RNF41: variants seen among roughly 807,000 people sequenced by gnomAD.
RNF41 encodes ring finger protein 41.
A neutral mutation model predicts 33.0 loss-of-function variants in RNF41; 4 were observed. The observed-to-expected ratio is 0.12, with a 90% CI of 0.06 to 0.28. RNF41 has a LOEUF of 0.28. RNF41 is among the 10% of genes least tolerant of loss of function. The pLI is 1.00. For missense variants in RNF41, 228 were observed against 432.6 expected, an observed-to-expected ratio of 0.53 and a Z score of 4.19; for synonymous variants, 164 against 153.2, an observed-to-expected ratio of 1.07 and a Z score of -0.52.
intron 1 of RNF41, among the ~76,000 whole-genome samples, chr12:56,219,191 A>ATT (rs1234168106): frequency 7.0e-6 from 1 of 143,536 alleles, no homozygotes; most frequent in African/African-American, 2.6e-5. Context: ...TTATTTATTT[A>ATT]TTTATTTATT....
intron 1 of RNF41, among the ~76,000 whole-genome samples, chr12:56,218,807 G>A (rs935666313): frequency 9.3e-5 from 14 of 150,878 alleles, no homozygotes; most frequent in Admixed American, 5.9e-4. Flanking sequence ...GGGTTCAAGC[G>A]ATTCTCCTGC....
At chr12:56,214,702 A>G (rs1224954061) in intron 2 of RNF41, among the ~76,000 whole-genome samples, 1 of 151,528 alleles carries the variant, frequency 6.6e-6, no homozygotes, top group Non-Finnish European at 1.5e-5. Flanking sequence ...GGTGATGCAC[A>G]TCTGTAATCC....
intron 6 of RNF41, chr12:56,207,329 C>T: frequency 7.6e-7 from 1 of 1,312,762 alleles, no homozygotes; most frequent in Non-Finnish European, 1.0e-6. Context: ...AGGACGATAT[C>T]TTCTATTTCT....
intron 1 of RNF41, among the ~76,000 whole-genome samples, chr12:56,218,745 C>T (rs1869106121): frequency 6.6e-6 from 1 of 150,600 alleles, no homozygotes; most frequent in Non-Finnish European, 1.5e-5. Flanking sequence ...TGCTCTGTCG[C>T]CAGGCTGGAG....
chr12:56,212,914 C>T (rs1179880879), intron 3 of RNF41: 2 of 992,740 alleles, frequency 2.0e-6, no homozygotes, highest in Non-Finnish European at 2.8e-6. Flanking sequence ...TTGGTATTTA[C>T]AGAATGAGGG....
At position 56,204,387 on chromosome 12, in the gene RNF41, A is replaced by C. The variant is rs889192121; in HGVS notation, c.*2060T>G. The C allele has an allele frequency of 3.3e-5, 5 of 152,226 alleles. No individual in the cohort carries two copies. Among genetic ancestry groups the C allele is most frequent in the Admixed American group, 2.0e-4 (3 of 15,266 alleles). The allele number at this position is 152,226 out of a possible 1,614,324, so 9.4% of individuals were successfully genotyped here. ...ACTCCCAGACATCCTCCTGAAAGAG[A>C]AGTTAGCACTAAGATAAGGGTAGGT... On this transcript the variant is annotated 3_prime_UTR_variant, in exon 7 of 7. Coordinates refer to ENST00000345093, the MANE Select transcript of RNF41 (RefSeq NM_005785.4).
chr12:56,212,697 C>T (rs1289500519), intron 3 of RNF41, among the ~76,000 whole-genome samples: 1 of 151,946 alleles, frequency 6.6e-6, no homozygotes, highest in Non-Finnish European at 1.5e-5. Context: ...GAGTTGGTTG[C>T]CATTGGAATG....
chr12:56,218,174 G>T (rs1869048929), intron 1 of RNF41, among the ~76,000 whole-genome samples: 8 of 151,500 alleles, frequency 5.3e-5, no homozygotes, highest in Admixed American at 5.3e-4. Flanking sequence ...GGCTGGTCTC[G>T]AACTCCTGAC....
At position 56,210,472 on chromosome 12, in the gene RNF41, C is replaced by T. The variant is rs1211466154; in HGVS notation, c.187G>A (p.Ala63Thr). ...ATCCGAGGTACTGGGCGCAGATGGG[C>T]GACCGTCACAACACTACGGTCCACT... The part of the protein sequence containing the change: ...CPVDRSVVTV[A>T]HLRPVPRIMR... Residue 63 changes from alanine to threonine, a missense_variant, in exon 4 of 7, where the codon GCC (alanine) becomes ACC (threonine). By Grantham distance (58) the Ala-to-Thr change is moderately conservative. This residue lies in a region of RNF41 where 29 missense variants were observed against 98.0 expected (regional missense o/e 0.30). Coordinates refer to ENST00000345093, the MANE Select transcript of RNF41 (RefSeq NM_005785.4). 1 of 1,614,174 alleles carries T rather than the reference C, an allele frequency of 6.2e-7. No homozygotes were observed. Among genetic ancestry groups the T allele is most frequent in the Non-Finnish European group, 8.5e-7 (1 of 1,180,036 alleles).
intron 1 of RNF41, among the ~76,000 whole-genome samples, chr12:56,217,069 GCT>G (rs1868954901): frequency 6.6e-6 from 1 of 151,482 alleles, no homozygotes; most frequent in Non-Finnish European, 1.5e-5. Flanking sequence ...GAACCTAGGA[GCT>G]GCAGCTTGCA....
At chr12:56,213,779 T>C (rs1205795715) in intron 3 of RNF41, among the ~76,000 whole-genome samples, 179 bp downstream of exon 3, 1 of 152,194 alleles carries the variant, frequency 6.6e-6, no homozygotes, top group Non-Finnish European at 1.5e-5. Flanking sequence ...CACCTCTAGA[T>C]TGATTCTGGA....
At chr12:56,216,663 A>G (rs576636448) in intron 1 of RNF41, 50 bp from the exon 2 acceptor site, 2 of 152,468 alleles carry the variant, frequency 1.3e-5, no homozygotes, top group East Asian at 3.9e-4. Flanking sequence ...AACTACCTCC[A>G]CTTGGCAAGG....
intron 3 of RNF41, among the ~76,000 whole-genome samples, chr12:56,213,456 G>A (rs1385940264): frequency 6.6e-6 from 1 of 152,158 alleles, no homozygotes; most frequent in Admixed American, 6.6e-5. Context: ...CTCCCAAAGT[G>A]CTGGGATTAC....
In RNF41 at chr12:56,204,903, C is replaced by T. The variant is rs1014201179; in HGVS notation, c.*1544G>A. 1 of 152,456 alleles carries T rather than the reference C, an allele frequency of 6.6e-6. No individual in the cohort carries two copies. Among genetic ancestry groups the T allele is most frequent in the Non-Finnish European group, 1.5e-5 (1 of 68,050 alleles). The allele number at this position is 152,456 out of a possible 1,614,324, so 9.4% of individuals were successfully genotyped here. The stretch of plus-strand genomic sequence containing the variant: ...TGGGGAGGAGCCTTTCTATCTCCAA[C>T]CACACTCCCACCTCCATATTAAAAT... On this transcript the variant is annotated 3_prime_UTR_variant, in exon 7 of 7. Coordinates refer to ENST00000345093, the MANE Select transcript of RNF41 (RefSeq NM_005785.4).
chr12:56,208,865 CTT>C (rs751108778), intron 4 of RNF41, among the ~76,000 whole-genome samples: 10 of 127,470 alleles, frequency 7.8e-5, no homozygotes, highest in Non-Finnish European at 1.0e-4. Flanking sequence ...CGCGCCTGGC[CTT>C]TTTTTTTTTT....
chr12:56,205,574 G>GC lies in RNF41; in HGVS notation c.*872_*873insG, dbSNP rs796226237. 6 of 150,946 alleles carry GC rather than the reference G, an allele frequency of 4.0e-5. No individual in the cohort carries two copies. The highest frequency in any genetic ancestry group is 1.5e-4 in the African/African-American group (6 of 40,936). The allele number at this position is 150,946 out of a possible 1,614,324, so 9.4% of individuals were successfully genotyped here. ...AGGCCATTCTTAAAAAAAAGAGGGG[G>GC]GGGGGCAGTAGGTGGAGTTTGTGAA... On this transcript the variant is annotated 3_prime_UTR_variant, in exon 7 of 7. Coordinates refer to ENST00000345093, the MANE Select transcript of RNF41 (RefSeq NM_005785.4).
intron 5 of RNF41, 60 bp from the exon 6 acceptor site, chr12:56,207,809 AG>A: frequency 7.4e-7 from 1 of 1,358,338 alleles, no homozygotes; most frequent in African/African-American, 1.4e-5. Context: ...AAAAGACAAA[AG>A]TTTATCCAAG....
At chr12:56,211,621 A>G (rs186548723) in intron 3 of RNF41, among the ~76,000 whole-genome samples, 1 of 152,242 alleles carries the variant, frequency 6.6e-6, no homozygotes, top group East Asian at 1.9e-4. Flanking sequence ...GTCTTGAAGG[A>G]TAATTCAGAT....
chr12:56,207,810 G>C (rs1592349149), intron 5 of RNF41, 61 bp from the exon 6 acceptor site: 1 of 1,356,240 alleles, frequency 7.4e-7, no homozygotes, highest in South Asian at 1.2e-5. Context: ...AAAGACAAAA[G>C]TTTATCCAAG....
Sources: gnomAD v4.1 joint callset for allele counts (sites outside exome capture counted in the v4.1 genomes callset) on GRCh38, gnomAD v4.1.1 for gene constraint, gnomAD v4.1.1 regional missense constraint, MANE v1.5 for transcripts, NCBI Gene and HGNC (gene_info 2026-07-23, HGNC 2026-07-21) for gene names.